Variants in BICC1 observed in about 807,000 individuals in gnomAD.
BICC1 encodes BicC family RNA binding protein 1, also known as protein bicaudal C homolog 1.
BICC1 carries 43 observed loss-of-function variants against 111.0 expected under a neutral mutation model. The observed-to-expected ratio is 0.39, with a 90% CI of 0.30 to 0.50. The LOEUF is 0.50. BICC1 is among the 20% of genes least tolerant of loss of function. BICC1 has a pLI of 0.88. For missense variants in BICC1, 1,091 were observed against 1,203.2 expected (o/e 0.91, Z 1.38); for synonymous variants, 467 against 434.4 (o/e 1.07, Z -0.93).
At chr10:58,607,644 A>G (rs1232650933) in intron 1 of BICC1, among the ~76,000 whole-genome samples, 1 of 150,822 alleles carries the variant, frequency 6.6e-6, no homozygotes, top group East Asian at 1.9e-4. Flanking sequence ...TCATTTCCTC[A>G]TCTCCTTCTC....
intron 2 of BICC1, among the ~76,000 whole-genome samples, chr10:58,669,099 A>G (rs969262705): frequency 2.6e-5 from 4 of 152,080 alleles, no homozygotes; most frequent in African/African-American, 9.7e-5. Flanking sequence ...GCAATAAAAT[A>G]TAGTTTCTTA....
At chr10:58,784,939 T>C in intron 3 of BICC1, 62 bp from the exon 4 acceptor site, 1 of 910,652 alleles carries the variant, frequency 1.1e-6, no homozygotes, top group Middle Eastern at 2.8e-4. Context: ...AAACAGAGTT[T>C]TTAAAACAAT....
intron 1 of BICC1, among the ~76,000 whole-genome samples, chr10:58,545,304 A>G (rs930033343): frequency 6.6e-6 from 1 of 152,144 alleles, no homozygotes; most frequent in African/African-American, 2.4e-5. Flanking sequence ...AGAAAAAAGG[A>G]AAAAAAGAAA....
At chr10:58,743,775 TTC>T (rs1319343924) in intron 3 of BICC1, among the ~76,000 whole-genome samples, 1 of 36,572 alleles carries the variant, frequency 2.7e-5, no homozygotes, top group Non-Finnish European at 5.0e-5. Flanking sequence ...TAGTTTTCTT[TTC>T]TTTTTTTTTT....
intron 1 of BICC1, among the ~76,000 whole-genome samples, chr10:58,515,040 A>G (rs936089177): frequency 4.6e-5 from 7 of 152,338 alleles, no homozygotes; most frequent in African/African-American, 1.7e-4. Context: ...GGGAAGTTCA[A>G]GTGTATAACC....
chr10:58,813,792 G>A (rs745672743), intron 17 of BICC1, 38 bp from the exon 18 acceptor site: 6 of 1,602,728 alleles, frequency 3.7e-6, no homozygotes, highest in Middle Eastern at 3.3e-4. Flanking sequence ...AAACCCACCT[G>A]ATTAAATATT....
chr10:58,803,324 T>C lies in BICC1; in HGVS notation c.2181+82T>C, dbSNP rs1355726131. On this transcript the variant is annotated intron_variant, in intron 15 of 20. Transcript: ENST00000373886. Reference sequence around the variant, plus strand: ...GGAGAATTCAGTGAGTGTTCAGCAGTAGTGCAGAAATTAGGTTTTCCTTCT... The same window carrying C: ...GGAGAATTCAGTGAGTGTTCAGCAGCAGTGCAGAAATTAGGTTTTCCTTCT... 2.4e-6 allele frequency: 3 copies of C among 1,231,808 alleles called. No homozygotes were observed. The East Asian group carries it at 8.2e-5, about 34-fold the overall frequency. 76.3% of individuals were successfully genotyped at this position (1,231,808 alleles called of 1,614,324 possible).
At chr10:58,729,774 C>T (rs1309655698) in intron 3 of BICC1, among the ~76,000 whole-genome samples, 1 of 152,170 alleles carries the variant, frequency 6.6e-6, no homozygotes, top group Non-Finnish European at 1.5e-5. Flanking sequence ...ACAACCACAT[C>T]TCGCAAGAAT....
chr10:58,522,721 A>C (rs28862452), intron 1 of BICC1, among the ~76,000 whole-genome samples: 81,929 of 151,798 alleles, frequency 0.54, 23,161 homozygotes, highest in African/African-American at 0.71. Flanking sequence ...AACTGAAGGA[A>C]ATAGAGACAC....
chr10:58,744,435 T>TA (rs1564588442), intron 3 of BICC1, among the ~76,000 whole-genome samples: 6 of 151,286 alleles, frequency 4.0e-5, no homozygotes, highest in East Asian at 1.9e-4. Context: ...ATGATTTTTT[T>TA]TAAAAAAATA....
chr10:58,786,421 A>G (rs1843013350), intron 4 of BICC1, among the ~76,000 whole-genome samples: 1 of 152,186 alleles, frequency 6.6e-6, no homozygotes, highest in African/African-American at 2.4e-5. Flanking sequence ...AAAGTTCAAT[A>G]TATAGTAATA....
In BICC1 at chr10:58,830,664, C is replaced by T. The variant is rs1844528777; in HGVS notation, c.*1773C>T. 6.6e-6 allele frequency: 1 copy of T among 152,120 alleles called. No homozygotes were observed. The highest frequency in any genetic ancestry group is 1.5e-5 in the Non-Finnish European group (1 of 68,012). 9.4% of individuals were successfully genotyped at this position (152,120 alleles called of 1,614,324 possible). The stretch of plus-strand genomic sequence containing the variant: ...TTGAAGGCATAGATAATGGGCCTGT[C>T]ATAAAATTATCAATTATAACTGGCA... On this transcript the variant is annotated 3_prime_UTR_variant, in exon 21 of 21. Coordinates refer to ENST00000373886, the MANE Select transcript of BICC1 (RefSeq NM_001080512.3).
At chr10:58,689,251 A>G (rs1052912531) in intron 2 of BICC1, among the ~76,000 whole-genome samples, 1 of 152,088 alleles carries the variant, frequency 6.6e-6, no homozygotes, top group African/African-American at 2.4e-5. Context: ...ACATGTGGTA[A>G]GAGAAAGAGA....
intron 3 of BICC1, among the ~76,000 whole-genome samples, chr10:58,726,446 CT>C (rs1841108471): frequency 6.6e-6 from 1 of 152,122 alleles, no homozygotes; most frequent in African/African-American, 2.4e-5. Flanking sequence ...CTTGTAGGTT[CT>C]TTGGCTGGGA....
intron 2 of BICC1, among the ~76,000 whole-genome samples, chr10:58,682,721 T>C (rs978312173): frequency 5.3e-5 from 8 of 152,242 alleles, no homozygotes; most frequent in African/African-American, 1.7e-4. Context: ...CACTTTTTGA[T>C]GGGGTTGTTT....
At chr10:58,687,324 A>G (rs1271112916) in intron 2 of BICC1, among the ~76,000 whole-genome samples, 2 of 152,184 alleles carry the variant, frequency 1.3e-5, no homozygotes, top group Non-Finnish European at 2.9e-5. Flanking sequence ...GGGATCAGGG[A>G]CCCACTTGAG....
At chr10:58,709,692 A>G (rs1025687270) in intron 3 of BICC1, among the ~76,000 whole-genome samples, 4 of 152,226 alleles carry the variant, frequency 2.6e-5, no homozygotes, top group Non-Finnish European at 5.9e-5. Flanking sequence ...ATGAGTGATA[A>G]TCACTGTTAT....
chr10:58,727,567 A>G (rs766315333), intron 3 of BICC1, among the ~76,000 whole-genome samples: 9 of 152,092 alleles, frequency 5.9e-5, no homozygotes, highest in African/African-American at 9.7e-5. Context: ...AGCCTGGGTA[A>G]CAGAGCAAGA....
intron 3 of BICC1, among the ~76,000 whole-genome samples, chr10:58,739,690 T>C (rs1841592299): frequency 6.6e-6 from 1 of 152,198 alleles, no homozygotes; most frequent in Admixed American, 6.6e-5. Context: ...AACTTGGGTT[T>C]ACTGTTTTGT....
Sources: gnomAD v4.1 joint callset for allele counts (sites outside exome capture counted in the v4.1 genomes callset) on GRCh38, gnomAD v4.1.1 for gene constraint, MANE v1.5 for transcripts, NCBI Gene and HGNC (gene_info 2026-07-23, HGNC 2026-07-21) for gene names.